Variants in LARS2 observed in about 807,000 individuals in gnomAD.
LARS2 encodes the protein leucine--tRNA ligase, mitochondrial.
In LARS2, 81 loss-of-function variants were observed where a neutral mutation model predicts 116.6. The ratio of observed to expected loss-of-function variants is 0.69; its 90% confidence interval spans 0.58 to 0.84. The LOEUF is 0.84. Ranked by LOEUF, LARS2 falls within the 40% of genes least tolerant of loss-of-function variation. LARS2 has a pLI of 0.00. For synonymous variants in LARS2, 396 were observed against 407.2 expected (o/e 0.97, Z 0.33); for missense variants, 968 against 1,114.5 (o/e 0.87, Z 1.87).
chr3:45,510,520 C>G (rs1381152691), intron 15 of LARS2, among the ~76,000 whole-genome samples: 1 of 149,732 alleles, frequency 6.7e-6, no homozygotes, highest in African/African-American at 2.4e-5. Flanking sequence ...AGGCACTACA[C>G]AGGATGCATC....
At chr3:45,452,540 G>A (rs945251220) in intron 7 of LARS2, among the ~76,000 whole-genome samples, 8 of 152,058 alleles carry the variant, frequency 5.3e-5, no homozygotes, top group Non-Finnish European at 1.0e-4. Flanking sequence ...ATGAATCCCT[G>A]TTGATCATGG....
intron 8 of LARS2, among the ~76,000 whole-genome samples, chr3:45,462,724 GCTCTGTGGGCTGC>G (rs1699353497): frequency 6.6e-6 from 1 of 152,190 alleles, no homozygotes; most frequent in Admixed American, 6.5e-5. Context: ...TCGTTTTGCA[GCTCTGTGGGCTGC>G]CTCTGTGATG....
At chr3:45,411,774 A>T (rs898191244) in intron 4 of LARS2, among the ~76,000 whole-genome samples, 1 of 152,108 alleles carries the variant, frequency 6.6e-6, no homozygotes, top group Non-Finnish European at 1.5e-5. Flanking sequence ...GAGTTTACCT[A>T]GATTATTTTG....
intron 20 of LARS2, among the ~76,000 whole-genome samples, chr3:45,527,110 A>G (rs1700541463): frequency 6.6e-6 from 1 of 152,164 alleles, no homozygotes; most frequent in Non-Finnish European, 1.5e-5. Context: ...TTCTATCAGC[A>G]TCCTCCAGCC....
Position 45,506,362 on chromosome 3 carries a change from A to C in LARS2, c.1760+5783A>C, listed in dbSNP as rs761034745. Among the ~76,000 whole-genome samples, 6 of 152,034 alleles carry C rather than the reference A, an allele frequency of 3.9e-5. 1 individual carries two copies. The highest frequency in any genetic ancestry group is 5.9e-5 in the Non-Finnish European group (4 of 67,966). Reference sequence around the variant, plus strand: ...GTCAGCCACACATGAAATGAAAATCACCCACTTTCTGAGATGAGTAATTTG... The same window carrying C: ...GTCAGCCACACATGAAATGAAAATCCCCCACTTTCTGAGATGAGTAATTTG... On this transcript the variant is annotated intron_variant, in intron 15 of 21. Coordinates refer to ENST00000645846, the MANE Select transcript of LARS2 (RefSeq NM_015340.4).
intron 4 of LARS2, among the ~76,000 whole-genome samples, chr3:45,405,874 G>A (rs1368867539): frequency 2.0e-5 from 3 of 152,160 alleles, no homozygotes; most frequent in African/African-American, 7.2e-5. Context: ...GCTGGGAGAA[G>A]GGGGTATAGT....
intron 6 of LARS2, among the ~76,000 whole-genome samples, chr3:45,440,211 A>T (rs1420499953): frequency 6.6e-6 from 1 of 152,142 alleles, no homozygotes; most frequent in Non-Finnish European, 1.5e-5. Flanking sequence ...TTCTCTTTTA[A>T]GCTGCACAAT....
intron 8 of LARS2, 65 bp downstream of exon 8, chr3:45,458,951 C>CTCATACCCAGAAGCCTT: frequency 1.3e-6 from 2 of 1,535,216 alleles, no homozygotes; most frequent in Non-Finnish European, 1.8e-6. Flanking sequence ...CCAAAGGCTT[C>CTCATACCCAGAAGCCTT]TGGGTATGAG....
In LARS2 at chr3:45,513,684, CA is replaced by C. The variant is rs532736740; in HGVS notation, c.1861+450del. On this transcript the variant is annotated intron_variant, in intron 16 of 21. Coordinates refer to ENST00000645846, the MANE Select transcript of LARS2 (RefSeq NM_015340.4). ...AGCACTCGGTTTACTCGTAGCACCC[CA>C]GAGCAGCCCCCTCTTAGCATTTCCC... Among the ~76,000 whole-genome samples the C allele has an allele frequency of 2.4e-3, 368 of 152,232 alleles. 2 individuals are homozygous for C. Among genetic ancestry groups the C allele is most frequent in the African/African-American group, 7.4e-3 (306 of 41,516 alleles).
chr3:45,516,219 C>A lies in LARS2; in HGVS notation c.1987C>A (p.Arg663=). The change falls in exon 17 of 22, where the codon CGG becomes AGG. Residue 663 remains arginine (R), a synonymous_variant. Transcript: ENST00000645846. The part of the protein sequence containing the change: ...VVEQYGIDTI[R]LYILFAAPPE... The stretch of plus-strand genomic sequence containing the variant: ...GGAGCAGTATGGGATCGACACGATT[C>A]GGCTCTACATCCTTTTTGCTGCCCC... 6.2e-7 allele frequency: 1 copy of A among 1,614,136 alleles called. No homozygotes were observed. The highest frequency in any genetic ancestry group is 8.5e-7 in the Non-Finnish European group (1 of 1,180,008).
At chr3:45,471,766 A>G (rs1699528650) in intron 8 of LARS2, among the ~76,000 whole-genome samples, 1 of 152,230 alleles carries the variant, frequency 6.6e-6, no homozygotes, top group African/African-American at 2.4e-5. Flanking sequence ...GGTCATTTTC[A>G]AAGTTTATAA....
intron 7 of LARS2, among the ~76,000 whole-genome samples, chr3:45,453,294 CA>C (rs1371619520): frequency 6.6e-6 from 1 of 152,110 alleles, no homozygotes; most frequent in Non-Finnish European, 1.5e-5. Flanking sequence ...GATCTCTCTT[CA>C]AAGTTCTTTT....
chr3:45,442,859 T>G (rs1698935970), intron 6 of LARS2, among the ~76,000 whole-genome samples: 1 of 152,236 alleles, frequency 6.6e-6, no homozygotes, highest in Non-Finnish European at 1.5e-5. Context: ...TTAATCAGCC[T>G]GTGATTATAG....
intron 6 of LARS2, among the ~76,000 whole-genome samples, chr3:45,443,454 T>C (rs1380266367): frequency 6.6e-6 from 1 of 152,198 alleles, no homozygotes; most frequent in Non-Finnish European, 1.5e-5. Context: ...CTAAGTGGTG[T>C]CTGTTCCCAA....
chr3:45,444,750 G>C (rs1449792399), intron 6 of LARS2, among the ~76,000 whole-genome samples: 1 of 148,950 alleles, frequency 6.7e-6, no homozygotes, highest in African/African-American at 2.5e-5. Context: ...TCGGCTTAGA[G>C]AAAAAAACAC....
rs374343120 is a variant in LARS2, at chr3:45,492,714, A to G, written c.1523+914A>G. On this transcript the variant is annotated intron_variant, in intron 13 of 21. Coordinates refer to ENST00000645846, the MANE Select transcript of LARS2 (RefSeq NM_015340.4). ...AAATAACCCCATTGAAGGGCTTTTC[A>G]GAAGACTAGAATTAACACATGTGAT... 5.3e-4 allele frequency among the ~76,000 whole-genome samples: 80 copies of G among 152,366 alleles called. 1 individual carries two copies. The highest frequency in any genetic ancestry group is 1.9e-3 in the African/African-American group (77 of 41,590).
At chr3:45,505,943 G>C (rs1339767789) in intron 15 of LARS2, among the ~76,000 whole-genome samples, 2 of 152,046 alleles carry the variant, frequency 1.3e-5, no homozygotes, top group Non-Finnish European at 2.9e-5. Flanking sequence ...GCTGCATGCT[G>C]ATGTAATTTT....
intron 11 of LARS2, among the ~76,000 whole-genome samples, chr3:45,486,187 C>T (rs192045423): frequency 1.6e-4 from 25 of 152,110 alleles, no homozygotes; most frequent in Non-Finnish European, 3.4e-4. Flanking sequence ...ACTCATAGAA[C>T]CAACAGCAAC....
intron 15 of LARS2, among the ~76,000 whole-genome samples, chr3:45,507,442 A>C (rs1451943844): frequency 6.6e-6 from 1 of 152,136 alleles, no homozygotes; most frequent in Non-Finnish European, 1.5e-5. Context: ...TGCACTGCTA[A>C]AAATCTATCC....
Sources: gnomAD v4.1 joint callset for allele counts (sites outside exome capture counted in the v4.1 genomes callset) on GRCh38, gnomAD v4.1.1 for gene constraint, MANE v1.5 for transcripts, NCBI Gene and HGNC (gene_info 2026-07-23, HGNC 2026-07-21) for gene names.